Variants in DACH2 observed in about 807,000 individuals in gnomAD.
DACH2 encodes dachshund family transcription factor 2, also known as dachshund homolog 2.
DACH2 carries 17 observed loss-of-function variants against 35.8 expected under a neutral mutation model. The observed-to-expected ratio is 0.48, with a 90% confidence interval of 0.33 to 0.71. DACH2 has a LOEUF of 0.71. Among genes scored for constraint, DACH2 ranks in the 30% least tolerant of loss-of-function variants. The pLI is 0.02. For missense variants in DACH2, 469 were observed against 472.7 expected (o/e 0.99, Z 0.07); for synonymous variants, 195 against 177.3 (o/e 1.10, Z -0.79).
intron 1 of DACH2, among the ~76,000 whole-genome samples, chrX:86,212,461 A>G (rs1019269409): frequency 4.5e-5 from 5 of 111,599 alleles, no homozygotes; most frequent in Non-Finnish European, 9.5e-5. Context: ...TTGTATTATA[A>G]CATATACCTA....
chrX:86,443,372 A>T, intron 2 of DACH2, among the ~76,000 whole-genome samples: 1 of 111,627 alleles, frequency 9.0e-6, no homozygotes, highest in Non-Finnish European at 1.9e-5. Flanking sequence ...TTAATTTTGT[A>T]TTCTGCAACT....
At chrX:86,425,496 C>T (rs1228361220) in intron 2 of DACH2, among the ~76,000 whole-genome samples, 4 of 110,651 alleles carry the variant, frequency 3.6e-5, no homozygotes, top group Non-Finnish European at 1.9e-5. Flanking sequence ...ACTAATGATC[C>T]TTTGAGTTTC....
chrX:86,410,958 G>T (rs1225058285), intron 2 of DACH2, among the ~76,000 whole-genome samples: 1 of 97,856 alleles, frequency 1.0e-5, no homozygotes, highest in Non-Finnish European at 2.0e-5. Context: ...ATAGTATATT[G>T]TGAAAGTAGT....
chrX:86,529,941 G>GTACA (rs1212049698), intron 3 of DACH2, among the ~76,000 whole-genome samples: 6 of 81,284 alleles, frequency 7.4e-5, no homozygotes, highest in Non-Finnish European at 9.4e-5. Context: ...GTATTCCATT[G>GTACA]TACATACACA....
intron 6 of DACH2, among the ~76,000 whole-genome samples, chrX:86,718,830 G>T (rs910425645): frequency 7.2e-5 from 8 of 111,365 alleles, no homozygotes; most frequent in Non-Finnish European, 1.5e-4. Flanking sequence ...TTGTTCCCTT[G>T]ATCTATGTGT....
At chrX:86,267,772 T>C (rs1245837649) in intron 1 of DACH2, among the ~76,000 whole-genome samples, 4 of 112,362 alleles carry the variant, frequency 3.6e-5, no homozygotes, top group African/African-American at 6.5e-5. Flanking sequence ...TGTCTGCATG[T>C]TTTAAAATCA....
At chrX:86,187,236 T>A (rs927525157) in intron 1 of DACH2, among the ~76,000 whole-genome samples, 1 of 111,125 alleles carries the variant, frequency 9.0e-6, no homozygotes, top group Non-Finnish European at 1.9e-5. Context: ...AGATTATAAT[T>A]GAACGCCACC....
intron 3 of DACH2, among the ~76,000 whole-genome samples, chrX:86,586,530 G>A (rs1436752656): frequency 1.8e-5 from 2 of 110,995 alleles, no homozygotes; most frequent in Non-Finnish European, 3.8e-5. Flanking sequence ...TGTCTTTCAG[G>A]GTTTTTACAT....
intron 1 of DACH2, among the ~76,000 whole-genome samples, chrX:86,194,801 C>G (rs1426459506): frequency 8.9e-6 from 1 of 112,581 alleles, no homozygotes; most frequent in Non-Finnish European, 1.9e-5. Flanking sequence ...TTGACTTGCT[C>G]CCACAGGAGA....
At chrX:86,667,545 GAAGAAAGA>G (rs367810959) in intron 4 of DACH2, among the ~76,000 whole-genome samples, 1,263 of 30,886 alleles carry the variant, frequency 0.041, 59 homozygotes, top group Non-Finnish European at 0.053. Context: ...AAGAAAGAAA[GAAGAAAGA>G]AAGAAAGAAA....
At chrX:86,270,998 C>T (rs1602341128) in intron 1 of DACH2, among the ~76,000 whole-genome samples, 1 of 111,611 alleles carries the variant, frequency 9.0e-6, no homozygotes, top group Admixed American at 9.6e-5. Context: ...TCTTCGTTGT[C>T]GACTATGTGG....
chrX:86,475,822 A>G (rs2037834251), intron 2 of DACH2, among the ~76,000 whole-genome samples: 1 of 111,693 alleles, frequency 9.0e-6, no homozygotes, highest in Non-Finnish European at 1.9e-5. Context: ...CTGTGGTTCT[A>G]TCGTATATGG....
At chrX:86,204,229 G>A (rs2032227739) in intron 1 of DACH2, among the ~76,000 whole-genome samples, 1 of 111,744 alleles carries the variant, frequency 8.9e-6, no homozygotes, top group African/African-American at 3.3e-5. Context: ...TCTCTCCTCA[G>A]AACCTAGAAC....
chrX:86,368,165 T>C (rs139531759), intron 1 of DACH2, among the ~76,000 whole-genome samples: 1,785 of 112,295 alleles, frequency 0.016, 30 homozygotes, highest in African/African-American at 0.055. Flanking sequence ...TTATAGTACT[T>C]AATTTAATTT....
intron 3 of DACH2, among the ~76,000 whole-genome samples, chrX:86,633,493 A>T (rs2040227013): frequency 9.0e-6 from 1 of 111,659 alleles, no homozygotes; most frequent in Admixed American, 9.6e-5. Context: ...AAATCCTGGG[A>T]CTAGATAAAT....
intron 1 of DACH2, among the ~76,000 whole-genome samples, chrX:86,197,757 A>G (rs2032032675): frequency 8.9e-6 from 1 of 111,924 alleles, no homozygotes; most frequent in Non-Finnish European, 1.9e-5. Flanking sequence ...AGGAGCACCC[A>G]GATTCATAAA....
chrX:86,762,654 T>C (rs1263918097), intron 7 of DACH2, among the ~76,000 whole-genome samples: 1 of 111,956 alleles, frequency 8.9e-6, no homozygotes, highest in Non-Finnish European at 1.9e-5. Context: ...CACTTTTTAA[T>C]TTTTTTAATT....
chrX:86,719,313 G>T (rs906611287), intron 6 of DACH2, among the ~76,000 whole-genome samples: 3 of 111,853 alleles, frequency 2.7e-5, no homozygotes, highest in African/African-American at 9.7e-5. Context: ...TTTGTAAAGG[G>T]ATCTTCAAAC....
At chrX:86,514,215 G>C (rs2038434278) in intron 2 of DACH2, 64 bp from the exon 3 acceptor site, 1 of 985,090 alleles carries the variant, frequency 1.0e-6, no homozygotes, top group South Asian at 2.1e-5. Context: ...AATATTGCAA[G>C]TGATGGTTTT....
Sources: allele counts gnomAD v4.1 joint callset (sites outside exome capture counted in the v4.1 genomes callset), GRCh38; gene constraint gnomAD v4.1.1; transcripts MANE v1.5; gene names NCBI Gene and HGNC (gene_info 2026-07-23, HGNC 2026-07-21).